The following BCL7A variants were observed in gnomAD, a reference collection of about 807,000 sequenced individuals.
BCL7A encodes BAF chromatin remodeling complex subunit BCL7A, also known as B-cell CLL/lymphoma 7 protein family member A.
Under a neutral mutation model 28.4 loss-of-function variants are expected in BCL7A, and 11 were observed. The ratio of observed to expected loss-of-function variants is 0.39; its 90% CI spans 0.24 to 0.64. The LOEUF (loss-of-function observed/expected upper bound fraction) is 0.64, where lower values mean the gene tolerates loss of function less well. Ranked by LOEUF, BCL7A falls within the 30% of genes least tolerant of loss-of-function variation. The pLI is 0.50. For synonymous variants in BCL7A, 123 were observed against 103.3 expected (o/e 1.19, Z -1.15); for missense variants, 222 against 274.8 (o/e 0.81, Z 1.36).
chr12:122,048,030 A>G (rs779556343), intron 4 of BCL7A, among the ~76,000 whole-genome samples: 1 of 151,114 alleles, frequency 6.6e-6, no homozygotes, highest in Non-Finnish European at 1.5e-5. Context: ...CAGCCTCCAG[A>G]GTAGCTGGGA....
At chr12:122,022,566 GCGCGCCGGGGC>G (rs1883489735) in intron 1 of BCL7A, among the ~76,000 whole-genome samples, 1 of 142,614 alleles carries the variant, frequency 7.0e-6, no homozygotes, top group African/African-American at 2.5e-5. Context: ...GCGGCTTCCC[GCGCGCCGGGGC>G]CGCGATGCCG....
At chr12:122,056,357 C>T (rs1951878333) in intron 5 of BCL7A, among the ~76,000 whole-genome samples, 1 of 152,058 alleles carries the variant, frequency 6.6e-6, no homozygotes, top group South Asian at 2.1e-4. Flanking sequence ...CCCACTACCC[C>T]ACACTCTTGC....
At position 122,025,606 on chromosome 12, in the gene BCL7A, A is replaced by G. The variant is rs575512827; in HGVS notation, c.92+3423A>G. On this transcript the variant is annotated intron_variant, in intron 1 of 5. Coordinates refer to ENST00000261822, the MANE Select transcript of BCL7A (RefSeq NM_001024808.3). ...TGCGCCACCGCACTCCAGCCTGGGCAACAGAGCGAGACTCCATCTCAAAAA... is the reference window on the plus strand; with the variant it reads ...TGCGCCACCGCACTCCAGCCTGGGCGACAGAGCGAGACTCCATCTCAAAAA... 3.7e-3 allele frequency among the ~76,000 whole-genome samples: 564 copies of G among 151,384 alleles called. 1 individual carries two copies. Among genetic ancestry groups the G allele is most frequent in the Non-Finnish European group, 6.4e-3 (436 of 67,760 alleles).
chr12:122,035,440 G>A lies in BCL7A; in HGVS notation c.271+13G>A. 1 of 1,610,506 alleles carries A rather than the reference G, an allele frequency of 6.2e-7. No homozygotes were observed. The highest frequency in any genetic ancestry group is 8.5e-7 in the Non-Finnish European group (1 of 1,176,968). ...ATGGACATGCATGGTGAGTGCCCAT[G>A]GCCTGCCAGCCTCTCCTGCCCAGCC... On this transcript the variant is annotated intron_variant, in intron 3 of 5. Coordinates refer to ENST00000261822, the MANE Select transcript of BCL7A (RefSeq NM_001024808.3).
chr12:122,025,363 C>T (rs1230944631), intron 1 of BCL7A, among the ~76,000 whole-genome samples: 1 of 151,928 alleles, frequency 6.6e-6, no homozygotes, highest in South Asian at 2.1e-4. Flanking sequence ...CGGTGGCTCA[C>T]GCCTGTAATT....
At chr12:122,026,618 G>T (rs149918525) in intron 1 of BCL7A, among the ~76,000 whole-genome samples, 5 of 152,350 alleles carry the variant, frequency 3.3e-5, no homozygotes, top group Non-Finnish European at 7.3e-5. Flanking sequence ...CTCCTCCAGA[G>T]GTTTCATCAT....
Position 122,022,040 on chromosome 12 carries a change from C to G in BCL7A, c.-52C>G, listed in dbSNP as rs1883470980. On this transcript the variant is annotated 5_prime_UTR_variant, in exon 1 of 6. Transcript: ENST00000261822. Reference sequence around the variant, plus strand: ...GCGCGAGTGTGGCCGCCGCGGAGCGCGAGCAGGACCCGGCGGGCGCGCTCC... The same window carrying G: ...GCGCGAGTGTGGCCGCCGCGGAGCGGGAGCAGGACCCGGCGGGCGCGCTCC... The G allele has an allele frequency of 7.4e-6, 11 of 1,489,082 alleles. No homozygotes were observed. The Admixed American group carries it at 1.9e-4, about 25-fold the overall frequency. The allele number at this position is 1,489,082 out of a possible 1,614,324, so 92.2% of individuals were successfully genotyped here. A position where few individuals can be genotyped will look rare whatever the true frequency, so the allele number is the denominator to read the frequency against.
At chr12:122,030,665 G>A (rs548950004) in intron 1 of BCL7A, 35 bp from the exon 2 acceptor site, 1 of 1,588,240 alleles carries the variant, frequency 6.3e-7, no homozygotes, top group Non-Finnish European at 8.6e-7. Flanking sequence ...GGGATGAAGA[G>A]TCCCCGGTAA....
chr12:122,035,914 C>T (rs1198997075), intron 3 of BCL7A, among the ~76,000 whole-genome samples: 1 of 152,056 alleles, frequency 6.6e-6, no homozygotes, highest in Non-Finnish European at 1.5e-5. Flanking sequence ...GGTCTTGGCT[C>T]ACTGCAATCT....
chr12:122,059,638 C>T lies in BCL7A; in HGVS notation c.*475C>T, dbSNP rs1333478741. On this transcript the variant is annotated 3_prime_UTR_variant, in exon 6 of 6. Transcript: ENST00000261822. This position sits in a 1 kb window ranked among gnomAD's most constrained non-coding sequence, Gnocchi z 4.0. Reference sequence around the variant, plus strand: ...GTATCCTGGTGGTTCTTACATCCCCCTCTGCAAAGTGCCCTCTTGGTTTGG... The same window carrying T: ...GTATCCTGGTGGTTCTTACATCCCCTTCTGCAAAGTGCCCTCTTGGTTTGG... 1 of 234,158 alleles carries T rather than the reference C, an allele frequency of 4.3e-6. No individual in the cohort carries two copies. The allele number at this position is 234,158 out of a possible 1,614,324, so 14.5% of individuals were successfully genotyped here.
Position 122,035,259 on chromosome 12 carries a change from C to T in BCL7A, c.175-72C>T, listed in dbSNP as rs972666140. On this transcript the variant is annotated intron_variant, in intron 2 of 5. Transcript: ENST00000261822. ...TGGAATAAAATATTCACACCACTCC[C>T]CAGGGGCTCTGAGCACGTGTGCGCA... 31 of 1,390,656 alleles carry T rather than the reference C, an allele frequency of 2.2e-5. No homozygotes were observed. In the Admixed American group the frequency reaches 2.6e-4, roughly 12 times the overall value. 86.1% of individuals were successfully genotyped at this position (1,390,656 alleles called of 1,614,324 possible). A position where few individuals can be genotyped will look rare whatever the true frequency, so the allele number is the denominator to read the frequency against.
intron 1 of BCL7A, among the ~76,000 whole-genome samples, chr12:122,026,801 G>A (rs752868046): frequency 1.3e-5 from 2 of 152,180 alleles, no homozygotes; most frequent in Non-Finnish European, 2.9e-5. Context: ...TTGAGTGGTG[G>A]GTAACCCTAA....
intron 3 of BCL7A, among the ~76,000 whole-genome samples, chr12:122,037,675 G>A (rs1219074934): frequency 1.3e-5 from 2 of 152,070 alleles, no homozygotes; most frequent in South Asian, 2.1e-4. Flanking sequence ...CAATGGGTGC[G>A]GTGGCTCACG....
intron 2 of BCL7A, 113 bp downstream of exon 2, chr12:122,030,894 C>A: frequency 1.8e-6 from 2 of 1,100,600 alleles, no homozygotes; most frequent in South Asian, 1.3e-5. Flanking sequence ...GGACCAAGAG[C>A]CCCTGGGAGT....
At chr12:122,022,442 CCGGGGCCAGGCGGTTGGAGCGG>C (rs1438894351) in intron 1 of BCL7A, among the ~76,000 whole-genome samples, 6 of 144,674 alleles carry the variant, frequency 4.1e-5, no homozygotes, top group Non-Finnish European at 9.2e-5. Flanking sequence ...GCGGCGGGCG[CCGGGGCCAGGCGGTTGGAGCGG>C]CGGGGCGGCC....
rs906347170 is a variant in BCL7A at position 122,039,310 on chromosome 12, T to A, written c.271+3883T>A. On this transcript the variant is annotated intron_variant, in intron 3 of 5. Coordinates refer to ENST00000261822, the MANE Select transcript of BCL7A (RefSeq NM_001024808.3). ...AGACTCAGTCTAAAAAAAAATAGAT[T>A]AAAAAAAAAAATAATAATAATAATA... Among the ~76,000 whole-genome samples, 9 of 142,342 alleles carry A rather than the reference T, an allele frequency of 6.3e-5. 1 individual carries two copies. The highest frequency in any genetic ancestry group is 7.1e-3 in the Middle Eastern group (2 of 280). The allele number at this position is 142,342 out of a possible 152,430, so 93.4% of individuals were successfully genotyped here.
At chr12:122,030,561 TC>T in intron 1 of BCL7A, 138 bp from the exon 2 acceptor site, 2 of 760,638 alleles carry the variant, frequency 2.6e-6, no homozygotes, top group South Asian at 1.6e-5. Context: ...GCCCAGGGCC[TC>T]CCGCTAGTGA....
intron 1 of BCL7A, among the ~76,000 whole-genome samples, chr12:122,026,283 AAAG>A (rs1374057391): frequency 3.3e-5 from 5 of 151,906 alleles, no homozygotes; most frequent in African/African-American, 1.2e-4. Flanking sequence ...AAAAAAAAAA[AAAG>A]AAAAAAATTA....
chr12:122,023,079 A>G (rs569356137), intron 1 of BCL7A, among the ~76,000 whole-genome samples: 1 of 152,080 alleles, frequency 6.6e-6, no homozygotes, highest in East Asian at 1.9e-4. Context: ...GGATCACATT[A>G]GCGTCCGCCC....
Sources: allele counts gnomAD v4.1 joint callset (sites outside exome capture counted in the v4.1 genomes callset), GRCh38; gene constraint gnomAD v4.1.1; non-coding constraint Gnocchi (gnomAD v3.1); transcripts MANE v1.5; gene names NCBI Gene and HGNC (gene_info 2026-07-23, HGNC 2026-07-21).